The following KLHL30 variants were observed in gnomAD, a reference collection of about 807,000 sequenced individuals.
KLHL30 encodes the protein kelch like family member 30, also known as kelch-like protein 30.
KLHL30 carries 55 observed loss-of-function variants against 55.0 expected under a neutral mutation model. The observed-to-expected ratio is 1.00, with a 90% confidence interval of 0.80 to 1.25. The LOEUF is 1.25. KLHL30 is among the 50% of genes most tolerant of loss of function. The pLI, the probability that KLHL30 is intolerant of heterozygous loss-of-function variation, is 0.00. For missense variants in KLHL30, 786 were observed against 811.6 expected (o/e 0.97, Z 0.38); for synonymous variants, 356 against 372.6 (o/e 0.96, Z 0.51).
Position 238,152,391 on chromosome 2 carries a change from G to A in KLHL30, c.*1326G>A, listed in dbSNP as rs1322995109. On this transcript the variant is annotated 3_prime_UTR_variant, in exon 8 of 8. Transcript: ENST00000409223. The stretch of plus-strand genomic sequence containing the variant: ...TTTTTTTTTTTTTTTTTTTTGAGAC[G>A]GAGTCTCGCTCTTGTCGTCCAGGCT... 4.2e-4 allele frequency: 75 copies of A among 179,010 alleles called. No homozygotes were observed. Among genetic ancestry groups the A allele is most frequent in the Non-Finnish European group, 5.4e-4 (58 of 107,096 alleles). 11.1% of individuals were successfully genotyped at this position (179,010 alleles called of 1,614,324 possible). A position where few individuals can be genotyped will look rare whatever the true frequency, so the allele number is the denominator to read the frequency against.
In KLHL30 at chr2:238,141,005, T is replaced by C. The variant is rs1376955602; in HGVS notation, c.251T>C (p.Val84Ala). ...VELRDVEPAVVGQLVDFVYTG... is the reference protein window; with the variant it reads ...VELRDVEPAVAGQLVDFVYTG... ...CTGCGGGACGTGGAGCCCGCCGTGG[T>C]GGGACAACTGGTGGACTTCGTGTAC... Residue 84 changes from valine to alanine, a missense_variant, in exon 2 of 8, where the codon GTG becomes GCG. Physicochemically the swap from Val to Ala is moderately conservative, Grantham distance 64. Coordinates refer to ENST00000409223, the MANE Select transcript of KLHL30 (RefSeq NM_198582.4). 1.2e-6 allele frequency: 2 copies of C among 1,612,428 alleles called. No homozygotes were observed. The highest frequency in any genetic ancestry group is 1.6e-4 in the Middle Eastern group (1 of 6,062).
rs1019608424 is a variant in KLHL30 at position 238,140,802 on chromosome 2, C to T, written c.48C>T (p.Ala16=). 1 of 1,593,820 alleles carries T rather than the reference C, an allele frequency of 6.3e-7. No individual in the cohort carries two copies. Among genetic ancestry groups the T allele is most frequent in the Non-Finnish European group, 8.6e-7 (1 of 1,166,956 alleles). The stretch of plus-strand genomic sequence containing the variant: ...TGGATTTCCACCTGCCCTCGCATGC[C>T]CAGGACATGCTGGATGGCCTGCAGC... ...DDLDFHLPSH[A]QDMLDGLQRL... is the part of the protein sequence containing the mutation. The change falls in exon 2 of 8, where the codon GCC becomes GCT. Residue 16 remains alanine, a synonymous_variant. Transcript: ENST00000409223.
chr2:238,151,010 T>C lies in KLHL30; in HGVS notation c.1682T>C (p.Val561Ala). ...RLWLYHGAST[V>A]FLDVSKWTQP... The stretch of plus-strand genomic sequence containing the variant: ...TGGCTCTACCACGGGGCCTCCACCG[T>C]CTTCCTGGATGTCTCCAAGTGGACC... The change falls in exon 8 of 8, where the codon GTC becomes GCC. Residue 561 changes from valine to alanine, a missense_variant. By Grantham distance (64) the Val-to-Ala change is moderately conservative. Coordinates refer to ENST00000409223, the MANE Select transcript of KLHL30 (RefSeq NM_198582.4). 6.3e-7 allele frequency: 1 copy of C among 1,591,852 alleles called. No individual in the cohort carries two copies. The highest frequency in any genetic ancestry group is 8.5e-7 in the Non-Finnish European group (1 of 1,170,516).
At position 238,147,892 on chromosome 2, in the gene KLHL30, G is replaced by A. The variant is rs368843555; in HGVS notation, c.1209G>A (p.Thr403=). The change falls in exon 6 of 8, where the codon ACG becomes ACA. Residue 403 remains threonine (T), a synonymous_variant. Coordinates refer to ENST00000409223, the MANE Select transcript of KLHL30 (RefSeq NM_198582.4). This position sits in a 1 kb window ranked among gnomAD's most constrained non-coding sequence, Gnocchi z 5.8. ...ATGACCCCTACACGGACAGCTGGAC[G>A]CCCGTCAGCCCGGCCCTCAAATACG... ...ESYDPYTDSW[T]PVSPALKYVS... 6 of 1,598,430 alleles carry A rather than the reference G, an allele frequency of 3.8e-6. No homozygotes were observed. The highest frequency in any genetic ancestry group is 2.3e-5 in the East Asian group (1 of 43,736).
rs570930168 is a variant in KLHL30, at chr2:238,150,669, A to G, written c.1486-145A>G. ...CTGGAGGGGCTGCGGTGGGCTGCCC[A>G]GGGACTCTGCGCTCATGCCCTGGAG... On this transcript the variant is annotated intron_variant, in intron 7 of 7. Transcript: ENST00000409223. 269 of 906,018 alleles carry G rather than the reference A, an allele frequency of 3.0e-4. No individual in the cohort carries two copies. The African/African-American group carries it at 4.0e-3, about 14-fold the overall frequency. The allele number at this position is 906,018 out of a possible 1,614,324, so 56.1% of individuals were successfully genotyped here.
At chr2:238,139,311 C>T (rs1179587431) in intron 1 of KLHL30, among the ~76,000 whole-genome samples, 3 of 152,234 alleles carry the variant, frequency 2.0e-5, no homozygotes, top group African/African-American at 7.2e-5. Context: ...CTGTCACCTA[C>T]TCAGGCCCCA....
intron 5 of KLHL30, among the ~76,000 whole-genome samples, chr2:238,146,658 C>T (rs1692653350): frequency 6.6e-6 from 1 of 151,216 alleles, no homozygotes; most frequent in Non-Finnish European, 1.5e-5. Flanking sequence ...CCACCCGCCT[C>T]AGCCTCCCAA....
chr2:238,150,463 AG>A (rs35906242), intron 7 of KLHL30, among the ~76,000 whole-genome samples: 44,423 of 151,972 alleles, frequency 0.29, 6,981 homozygotes, highest in South Asian at 0.38. Flanking sequence ...ATTGTCTGCC[AG>A]GGCTGAGCCA....
Position 238,141,380 on chromosome 2 carries a change from A to G in KLHL30, c.626A>G (p.Gln209Arg), listed in dbSNP as rs940344330. ...ATGCGCTGGGTGCGCCATGACCCGCAGGCCCGGGCCGCCCACCTGCCCGAG... is the reference window on the plus strand; with the variant it reads ...ATGCGCTGGGTGCGCCATGACCCGCGGGCCCGGGCCGCCCACCTGCCCGAG... ...ALMRWVRHDP[Q>R]ARAAHLPELL... Residue 209 changes from glutamine to arginine, a missense_variant, in exon 2 of 8, where the codon CAG becomes CGG. Physicochemically the swap from Gln to Arg is conservative, Grantham distance 43. Transcript: ENST00000409223. 6 of 1,595,450 alleles carry G rather than the reference A, an allele frequency of 3.8e-6. No individual in the cohort carries two copies. The highest frequency in any genetic ancestry group is 3.4e-5 in the Admixed American group (2 of 59,208).
chr2:238,149,384 C>T (rs564185051), intron 7 of KLHL30, among the ~76,000 whole-genome samples: 27 of 151,458 alleles, frequency 1.8e-4, no homozygotes, highest in Middle Eastern at 3.4e-3. Context: ...CACAGAGGGC[C>T]CACAATGAAG....
intron 3 of KLHL30, among the ~76,000 whole-genome samples, chr2:238,144,396 A>C (rs536141252): frequency 2.4e-4 from 24 of 101,636 alleles, no homozygotes; most frequent in East Asian, 6.2e-4. Flanking sequence ...GGAAGGAAGG[A>C]AGGAAGGAAG....
At chr2:238,145,183 T>A (rs1163960985) in intron 4 of KLHL30, among the ~76,000 whole-genome samples, 195 bp downstream of exon 4, 1 of 152,210 alleles carries the variant, frequency 6.6e-6, no homozygotes, top group African/African-American at 2.4e-5. Flanking sequence ...CACAGGCTAG[T>A]GTGGGCCCAC....
rs1031228104 is a variant in KLHL30 at position 238,151,314 on chromosome 2, G to A, written c.*249G>A. 1.7e-6 allele frequency: 1 copy of A among 584,978 alleles called. No individual in the cohort carries two copies. Among genetic ancestry groups the A allele is most frequent in the Non-Finnish European group, 3.0e-6 (1 of 336,064 alleles). The allele number at this position is 584,978 out of a possible 1,614,324, so 36.2% of individuals were successfully genotyped here. On this transcript the variant is annotated 3_prime_UTR_variant, in exon 8 of 8. Transcript: ENST00000409223. ...GCCAGACGCTGGCATAACAGGGACAGGAAGCTCTGCTGCCCCTGGGGTTCC... is the reference window on the plus strand; with the variant it reads ...GCCAGACGCTGGCATAACAGGGACAAGAAGCTCTGCTGCCCCTGGGGTTCC...
In KLHL30 at chr2:238,147,815, C is replaced by T; in HGVS notation, c.1151-19C>T. 6.8e-7 allele frequency: 1 copy of T among 1,462,670 alleles called. No homozygotes were observed. The highest frequency in any genetic ancestry group is 9.1e-7 in the Non-Finnish European group (1 of 1,099,292). The allele number at this position is 1,462,670 out of a possible 1,614,324, so 90.6% of individuals were successfully genotyped here. A position where few individuals can be genotyped will look rare whatever the true frequency, so the allele number is the denominator to read the frequency against. On this transcript the variant is annotated intron_variant, in intron 5 of 7. Coordinates refer to ENST00000409223, the MANE Select transcript of KLHL30 (RefSeq NM_198582.4). This position sits in a 1 kb window ranked among gnomAD's most constrained non-coding sequence, Gnocchi z 5.8. Reference sequence around the variant, plus strand: ...CCTCTCCTCCCCAGCCCTGAACTGCCCCCGCCCTCACCCCACAGGCACCAC... The same window carrying T: ...CCTCTCCTCCCCAGCCCTGAACTGCTCCCGCCCTCACCCCACAGGCACCAC...
Position 238,149,053 on chromosome 2 carries a change from C to T in KLHL30, c.1386C>T (p.Ser462=). The change falls in exon 7 of 8, where the codon TCC becomes TCT. Residue 462 remains serine, a synonymous_variant. Transcript: ENST00000409223. ...IASPFLPKYL[S]SPRCAALHGE... ...CGCCCTTCCTGCCCAAGTACCTGTC[C>T]TCGCCTCGCTGTGCTGCACTGCACG... The T allele has an allele frequency of 3.7e-6, 6 of 1,613,120 alleles. No homozygotes were observed. Among genetic ancestry groups the T allele is most frequent in the Non-Finnish European group, 5.1e-6 (6 of 1,179,784 alleles).
rs11442034 is a variant in KLHL30, at chr2:238,147,146, C to CA, written c.1151-674dup. On this transcript the variant is annotated intron_variant, in intron 5 of 7. Transcript: ENST00000409223. The surrounding 1 kb of genome is among the most constrained non-coding windows in gnomAD (Gnocchi z 5.8). ...TGGGTGACCGAGCAAGACCCTGTCT[C>CA]AAAAAAAAAAAAAAGAAAGAAAAGA... Among the ~76,000 whole-genome samples the CA allele has an allele frequency of 0.4, 53,053 of 133,050 alleles. 9,790 individuals are homozygous for CA. The highest frequency in any genetic ancestry group is 0.48 in the East Asian group (2,224 of 4,634). The allele number at this position is 133,050 out of a possible 152,430, so 87.3% of individuals were successfully genotyped here.
chr2:238,145,032 A>G, intron 4 of KLHL30, 44 bp downstream of exon 4: 1 of 1,503,872 alleles, frequency 6.6e-7, no homozygotes, highest in Non-Finnish European at 9.1e-7. Context: ...TGCCCAGCCA[A>G]GCACTGGGCT....
Position 238,140,873 on chromosome 2 carries a change from G to A in KLHL30, c.119G>A (p.Gly40Asp), listed in dbSNP as rs1692519435. The A allele has an allele frequency of 6.2e-7, 1 of 1,611,094 alleles. No individual in the cohort carries two copies. Among genetic ancestry groups the A allele is most frequent in the East Asian group, 2.2e-5 (1 of 44,814 alleles). ...PKLADVTLLV[G>D]GRELPCHRGL... ...CTGGCCGACGTCACACTGCTGGTGG[G>A]CGGCCGGGAGCTGCCATGCCACCGC... The change falls in exon 2 of 8, where the codon GGC becomes GAC. Residue 40 changes from glycine (G) to aspartate (D), a missense_variant. Coordinates refer to ENST00000409223, the MANE Select transcript of KLHL30 (RefSeq NM_198582.4).
At chr2:238,139,364 C>T (rs752510005) in intron 1 of KLHL30, among the ~76,000 whole-genome samples, 9 of 152,216 alleles carry the variant, frequency 5.9e-5, no homozygotes, top group Non-Finnish European at 8.8e-5. Context: ...CCGCCTTCAC[C>T]GGGGCCAGCG....
Sources: gnomAD v4.1 joint callset for allele counts (sites outside exome capture counted in the v4.1 genomes callset) on GRCh38, gnomAD v4.1.1 for gene constraint, Gnocchi (gnomAD v3.1) non-coding constraint, MANE v1.5 for transcripts, NCBI Gene and HGNC (gene_info 2026-07-23, HGNC 2026-07-21) for gene names.